The following RANBP2 variants were observed in gnomAD, a reference collection of about 807,000 sequenced individuals.
RANBP2 encodes RAN binding protein 2.
A neutral mutation model predicts 303.6 loss-of-function variants in RANBP2; 57 were observed. The ratio of observed to expected loss-of-function variants is 0.19; its 90% CI spans 0.15 to 0.23. RANBP2 has a LOEUF of 0.23. RANBP2 is among the 10% of genes least tolerant of loss of function. The probability of loss-of-function intolerance (pLI) is 1.00; values close to 1 mark genes in which losing one functional copy is unlikely to be tolerated. For synonymous variants in RANBP2, 1,167 were observed against 1,301.5 expected (o/e 0.90, Z 2.23); for missense variants, 3,138 against 3,780.8 (o/e 0.83, Z 4.46).
the RANBP2 span, among the ~76,000 whole-genome samples, chr2:109,499,190 T>A: frequency 1.3e-5 from 2 of 152,094 alleles, no homozygotes; most frequent in Non-Finnish European, 2.9e-5. Context: ...AGGGAAGGCA[T>A]CCAGAGCCGC....
chr2:108,777,132 G>A lies in RANBP2; in HGVS notation c.8500G>A (p.Glu2834Lys). The A allele has an allele frequency of 6.2e-7, 1 of 1,612,958 alleles. No individual in the cohort carries two copies. The highest frequency in any genetic ancestry group is 1.7e-5 in the Admixed American group (1 of 60,004). The change falls in exon 25 of 29, where the codon GAA becomes AAA. Residue 2834 changes from glutamate to lysine, a missense_variant and splice_region_variant. By Grantham distance (56) the Glu-to-Lys change is moderately conservative. Transcript: ENST00000283195. ...TTGTTCTTTTTTTCTTTTGCCAGGGGAAAGCAAGATAGTTTCATTTGGATT... is the reference window on the plus strand; with the variant it reads ...TTGTTCTTTTTTTCTTTTGCCAGGGAAAAGCAAGATAGTTTCATTTGGATT... The part of the protein sequence containing the change: ...EIDTDSTSQG[E>K]SKIVSFGFGS...
the RANBP2 span, among the ~76,000 whole-genome samples, chr2:109,699,175 T>C: frequency 1.3e-5 from 2 of 152,234 alleles, no homozygotes; most frequent in Non-Finnish European, 1.5e-5. Flanking sequence ...CTCATGCCTG[T>C]GGAATGTCAT....
the RANBP2 span, among the ~76,000 whole-genome samples, chr2:108,826,676 A>G: frequency 5.3e-5 from 8 of 152,130 alleles, no homozygotes; most frequent in African/African-American, 1.9e-4. Context: ...AATTTTGAAA[A>G]CAAAGTGTGA....
At chr2:109,059,835 G>T in the RANBP2 span, among the ~76,000 whole-genome samples, 3 of 53,626 alleles carry the variant, frequency 5.6e-5, no homozygotes, top group Admixed American at 1.7e-4. Context: ...TTTGGTGGGT[G>T]GGGGGGATGT....
chr2:109,562,373 C>G, the RANBP2 span, among the ~76,000 whole-genome samples: 1 of 151,908 alleles, frequency 6.6e-6, no homozygotes, highest in Non-Finnish European at 1.5e-5. Flanking sequence ...TCCACCTGCC[C>G]CCCTCCCCCA....
Position 108,731,219 on chromosome 2 carries a change from G to A in RANBP2, c.253-103G>A, listed in dbSNP as rs570542200. 71 of 1,493,376 alleles carry A rather than the reference G, an allele frequency of 4.8e-5. 1 individual carries two copies. In the South Asian group the frequency reaches 9.0e-4, roughly 19 times the overall value. 92.5% of individuals were successfully genotyped at this position (1,493,376 alleles called of 1,614,324 possible). ...TTTCTCTAGAAGTAGAATTTTTTAA[G>A]GGTTGGAGTGATAATTTTTTAACCT... On this transcript the variant is annotated intron_variant, in intron 3 of 28. Coordinates refer to ENST00000283195, the MANE Select transcript of RANBP2 (RefSeq NM_006267.5).
the RANBP2 span, among the ~76,000 whole-genome samples, chr2:109,640,842 G>T: frequency 6.6e-6 from 1 of 152,154 alleles, no homozygotes; most frequent in South Asian, 2.1e-4. Context: ...GTAGCAGGAA[G>T]GACCGAATCC....
At chr2:109,116,003 G>A in the RANBP2 span, among the ~76,000 whole-genome samples, 1 of 142,306 alleles carries the variant, frequency 7.0e-6, no homozygotes, top group Admixed American at 7.1e-5. Flanking sequence ...GAGATCTGCT[G>A]TTAGTCTGAT....
At chr2:108,981,492 C>T in the RANBP2 span, among the ~76,000 whole-genome samples, 4 of 152,188 alleles carry the variant, frequency 2.6e-5, no homozygotes, top group African/African-American at 4.8e-5. Context: ...TTCCATTTTC[C>T]GCTCTAGCTC....
the RANBP2 span, among the ~76,000 whole-genome samples, chr2:109,064,479 A>AAAAAAC: frequency 8.9e-4 from 125 of 141,028 alleles, 1 homozygote; most frequent in East Asian, 2.0e-3. Context: ...AAACAAAAAC[A>AAAAAAC]AACTGGTAAA....
the RANBP2 span, among the ~76,000 whole-genome samples, chr2:109,012,807 G>A: frequency 1.2e-4 from 18 of 152,226 alleles, no homozygotes; most frequent in East Asian, 1.4e-3. Flanking sequence ...CCAGCTACTC[G>A]GGAGGCTGAG....
the RANBP2 span, among the ~76,000 whole-genome samples, chr2:109,586,851 C>G: frequency 1.3e-5 from 2 of 152,174 alleles, no homozygotes; most frequent in Admixed American, 6.5e-5. Context: ...CCTGCCTTAA[C>G]AAAGCCTGTA....
At chr2:109,288,886 C>T in the RANBP2 span, among the ~76,000 whole-genome samples, 13 of 152,280 alleles carry the variant, frequency 8.5e-5, no homozygotes, top group African/African-American at 1.7e-4. Context: ...GTAAAGAAAG[C>T]GGCACCAGTG....
At chr2:109,760,999 G>A in the RANBP2 span, among the ~76,000 whole-genome samples, 1 of 135,316 alleles carries the variant, frequency 7.4e-6, no homozygotes, top group Middle Eastern at 3.6e-3. Context: ...GCGGCGGCCC[G>A]CCCCAGCCCA....
At chr2:109,425,284 A>T in the RANBP2 span, among the ~76,000 whole-genome samples, 1 of 152,258 alleles carries the variant, frequency 6.6e-6, no homozygotes, top group Non-Finnish European at 1.5e-5. Flanking sequence ...TAAAAGTACA[A>T]GGTAAAGCAG....
chr2:109,372,091 A>G, the RANBP2 span, among the ~76,000 whole-genome samples: 3 of 152,188 alleles, frequency 2.0e-5, no homozygotes, highest in Non-Finnish European at 4.4e-5. Context: ...CCCACTGCAC[A>G]CGGATTGGAA....
the RANBP2 span, among the ~76,000 whole-genome samples, chr2:108,842,485 G>C: frequency 6.6e-6 from 1 of 152,140 alleles, no homozygotes; most frequent in Non-Finnish European, 1.5e-5. Context: ...TTGGAGTCCA[G>C]GATGTTACCC....
chr2:109,419,466 T>C, the RANBP2 span: 24 of 1,458,674 alleles, frequency 1.6e-5, 1 homozygote, highest in Middle Eastern at 1.6e-3. Flanking sequence ...GGATGCAGCC[T>C]CATTTTGCTT....
the RANBP2 span, among the ~76,000 whole-genome samples, chr2:109,594,404 G>A: frequency 1.3e-5 from 2 of 152,156 alleles, no homozygotes; most frequent in African/African-American, 4.8e-5. Flanking sequence ...GAGAGAGGCT[G>A]TGCATGTCTA....
Sources: allele counts gnomAD v4.1 joint callset (sites outside exome capture counted in the v4.1 genomes callset), GRCh38; gene constraint gnomAD v4.1.1; transcripts MANE v1.5; gene names NCBI Gene and HGNC (gene_info 2026-07-23, HGNC 2026-07-21).